The following SLC22A15 variants were observed in gnomAD, a reference collection of about 807,000 sequenced individuals.
SLC22A15 encodes flipt 1.
SLC22A15 carries 45 observed loss-of-function variants against 62.7 expected under a neutral mutation model. The ratio of observed to expected loss-of-function variants is 0.72; its 90% CI spans 0.56 to 0.92. The LOEUF is 0.92. Among genes scored for constraint, SLC22A15 ranks in the 40% least tolerant of loss-of-function variants. SLC22A15 has a pLI of 0.00. For missense variants in SLC22A15, 622 were observed against 665.6 expected, an observed-to-expected ratio of 0.93 and a Z score of 0.72; for synonymous variants, 264 against 267.0, an observed-to-expected ratio of 0.99 and a Z score of 0.11.
intron 8 of SLC22A15, among the ~76,000 whole-genome samples, chr1:116,061,903 G>A (rs973729551): frequency 6.6e-6 from 1 of 152,042 alleles, no homozygotes; most frequent in Non-Finnish European, 1.5e-5. Flanking sequence ...TTCATATTTA[G>A]ATTCTTGTTA....
chr1:116,005,503 AG>A (rs1655930610), intron 2 of SLC22A15, among the ~76,000 whole-genome samples: 1 of 152,194 alleles, frequency 6.6e-6, no homozygotes. Context: ...CCACATATAC[AG>A]TATATACATT....
chr1:116,067,224 A>C lies in SLC22A15; in HGVS notation c.*116A>C. ...AAATAGAGGCTTGGCTTGAATGTAC[A>C]TAGATGGTACCTGGCATGGACTGAT... is the stretch of plus-strand genomic sequence containing the variant. On this transcript the variant is annotated 3_prime_UTR_variant, in exon 12 of 12. Coordinates refer to ENST00000369503, the MANE Select transcript of SLC22A15 (RefSeq NM_018420.3). The C allele has an allele frequency of 2.6e-6, 2 of 759,576 alleles. No homozygotes were observed. The highest frequency in any genetic ancestry group is 4.4e-6 in the Non-Finnish European group (2 of 450,442). The allele number at this position is 759,576 out of a possible 1,614,324, so 47.1% of individuals were successfully genotyped here.
intron 1 of SLC22A15, 75 bp from the exon 2 acceptor site, chr1:115,991,956 T>C: frequency 1.6e-6 from 2 of 1,272,000 alleles, no homozygotes; most frequent in Non-Finnish European, 2.3e-6. Context: ...TTTCAAGGTT[T>C]GCAAGCCTGC....
At chr1:115,985,945 CAAA>C (rs35381675) in intron 1 of SLC22A15, among the ~76,000 whole-genome samples, 3 of 114,442 alleles carry the variant, frequency 2.6e-5, no homozygotes, top group Non-Finnish European at 1.7e-5. Context: ...GACTCCATCT[CAAA>C]AAAAAAAAAA....
chr1:116,010,765 G>GTGCT (rs1426768301), intron 2 of SLC22A15, among the ~76,000 whole-genome samples: 1 of 152,202 alleles, frequency 6.6e-6, no homozygotes, highest in African/African-American at 2.4e-5. Flanking sequence ...CCTCATGGAT[G>GTGCT]TGCTGCAGGG....
chr1:116,040,913 G>A (rs1400266083), intron 8 of SLC22A15, among the ~76,000 whole-genome samples: 2 of 152,200 alleles, frequency 1.3e-5, no homozygotes, highest in Non-Finnish European at 2.9e-5. Flanking sequence ...CCAGATAAGA[G>A]TTTTAGAACC....
At chr1:115,982,404 T>C (rs1654652370) in intron 1 of SLC22A15, among the ~76,000 whole-genome samples, 1 of 152,252 alleles carries the variant, frequency 6.6e-6, no homozygotes. Flanking sequence ...ATAAATATTG[T>C]ATATCCATCT....
At chr1:116,006,647 T>A (rs150592729) in intron 2 of SLC22A15, among the ~76,000 whole-genome samples, 167 of 152,248 alleles carry the variant, frequency 1.1e-3, no homozygotes, top group African/African-American at 3.9e-3. Context: ...TCTGTATCTC[T>A]GTGTCCCCTC....
rs74111141 is a variant in SLC22A15 at position 116,012,648 on chromosome 1, G to A, written c.301-6934G>A. The stretch of plus-strand genomic sequence containing the variant: ...TATTTGTATTTAAAACACACACTGT[G>A]GAGTAAGATACACGCTGAAACAAAA... On this transcript the variant is annotated intron_variant, in intron 2 of 11. Transcript: ENST00000369503. 3.3e-3 allele frequency among the ~76,000 whole-genome samples: 507 copies of A among 152,254 alleles called. 6 individuals are homozygous for A. Among genetic ancestry groups the A allele is most frequent in the African/African-American group, 0.012 (496 of 41,548 alleles).
chr1:115,984,236 C>T (rs1654748489), intron 1 of SLC22A15, among the ~76,000 whole-genome samples: 1 of 152,156 alleles, frequency 6.6e-6, no homozygotes, highest in Non-Finnish European at 1.5e-5. Context: ...TCTTTACTTT[C>T]CTGACTCTGA....
chr1:116,020,827 G>T lies in SLC22A15; in HGVS notation c.540G>T (p.Ser180=). ...TGGGCATGATGAATGGAGGGATGTC[G>T]CTGGTGGCCTTTGTCTTGCTTAATG... ...FLVGMMNGGM[S]LVAFVLLNEC... The change falls in exon 4 of 12, where the codon TCG becomes TCT. Residue 180 remains serine (S), a synonymous_variant. Transcript: ENST00000369503. The T allele has an allele frequency of 1.7e-5, 28 of 1,613,734 alleles. No homozygotes were observed. The highest frequency in any genetic ancestry group is 2.4e-5 in the Non-Finnish European group (28 of 1,179,748).
chr1:115,991,954 T>G (rs1557873512), intron 1 of SLC22A15, 77 bp from the exon 2 acceptor site: 1 of 1,246,024 alleles, frequency 8.0e-7, no homozygotes, highest in Non-Finnish European at 1.2e-6. Flanking sequence ...TCTTTCAAGG[T>G]TTGCAAGCCT....
At chr1:116,022,815 A>G (rs568537986) in intron 4 of SLC22A15, among the ~76,000 whole-genome samples, 9 of 152,346 alleles carry the variant, frequency 5.9e-5, no homozygotes, top group Admixed American at 2.6e-4. Flanking sequence ...GCCAAATTCA[A>G]TGTGAAATTG....
chr1:115,979,032 C>G lies in SLC22A15; in HGVS notation c.87+2318C>G, dbSNP rs545678527. Among the ~76,000 whole-genome samples the G allele has an allele frequency of 1.1e-3, 166 of 152,266 alleles. 1 individual carries two copies. The highest frequency in any genetic ancestry group is 5.1e-3 in the Admixed American group (78 of 15,296). On this transcript the variant is annotated intron_variant, in intron 1 of 11. Transcript: ENST00000369503. Reference sequence around the variant, plus strand: ...ATCTGCGATTTGATAATGATTAACCCCAGCTGAGAGGCACAAAACCAGAAG... The same window carrying G: ...ATCTGCGATTTGATAATGATTAACCGCAGCTGAGAGGCACAAAACCAGAAG...
chr1:116,063,423 G>A (rs977785649), intron 9 of SLC22A15, among the ~76,000 whole-genome samples: 1 of 152,152 alleles, frequency 6.6e-6, no homozygotes, highest in Non-Finnish European at 1.5e-5. Flanking sequence ...AAATAAGTCT[G>A]AAAGCAAGAA....
rs568105697 is a variant in SLC22A15, at chr1:116,040,508, T to C, written c.1171+3120T>C. ...AATCTCAGATTGGTCAAGCAACACGTCCAAGGTTGCATAGCAAGTAAGTAG... is the reference window on the plus strand; with the variant it reads ...AATCTCAGATTGGTCAAGCAACACGCCCAAGGTTGCATAGCAAGTAAGTAG... On this transcript the variant is annotated intron_variant, in intron 8 of 11. Coordinates refer to ENST00000369503, the MANE Select transcript of SLC22A15 (RefSeq NM_018420.3). 4.6e-5 allele frequency among the ~76,000 whole-genome samples: 7 copies of C among 152,350 alleles called. No homozygotes were observed. In the South Asian group the frequency reaches 1.2e-3, roughly 27 times the overall value.
intron 8 of SLC22A15, among the ~76,000 whole-genome samples, chr1:116,052,003 C>A (rs1658066945): frequency 6.6e-6 from 1 of 152,230 alleles, no homozygotes; most frequent in Non-Finnish European, 1.5e-5. Context: ...TTCTGCATTT[C>A]CATCTGAGGT....
chr1:115,983,424 A>ATGTG (rs139389518), intron 1 of SLC22A15, among the ~76,000 whole-genome samples: 2 of 151,110 alleles, frequency 1.3e-5, no homozygotes, highest in Non-Finnish European at 3.0e-5. Context: ...TAGGATGGAG[A>ATGTG]TGTGTGTGTG....
intron 1 of SLC22A15, among the ~76,000 whole-genome samples, chr1:115,978,497 CTGAT>C (rs1010286789): frequency 6.6e-6 from 1 of 152,118 alleles, no homozygotes; most frequent in African/African-American, 2.4e-5. Context: ...GGATGAGTGA[CTGAT>C]TGTTTATCTT....
Sources: allele counts gnomAD v4.1 joint callset (sites outside exome capture counted in the v4.1 genomes callset), GRCh38; gene constraint gnomAD v4.1.1; transcripts MANE v1.5; gene names NCBI Gene and HGNC (gene_info 2026-07-23, HGNC 2026-07-21).